TXNDC8: variants seen among roughly 807,000 people sequenced by gnomAD.
The protein encoded by TXNDC8 is thioredoxin domain containing 8.
In TXNDC8, 15 loss-of-function variants were observed where a neutral mutation model predicts 12.9. That is an observed-to-expected ratio of 1.16 (90% CI 0.78 to 1.79). TXNDC8 has a LOEUF of 1.79. TXNDC8 is among the 40% of genes most tolerant of loss of function. The probability of loss-of-function intolerance (pLI) is 0.00; values close to 1 mark genes in which losing one functional copy is unlikely to be tolerated. For synonymous variants in TXNDC8, 40 were observed against 35.4 expected (o/e 1.13, Z -0.46); for missense variants, 128 against 113.2 (o/e 1.13, Z -0.59).
chr9:110,308,750 T>C (rs191468969), intron 3 of TXNDC8, among the ~76,000 whole-genome samples: 21 of 152,196 alleles, frequency 1.4e-4, no homozygotes, highest in Non-Finnish European at 2.8e-4. Flanking sequence ...ACCAAAAAAA[T>C]CTAGAGAAGG....
At chr9:110,334,514 G>T (rs1159779769) in intron 1 of TXNDC8, among the ~76,000 whole-genome samples, 194 bp from the exon 2 acceptor site, 4 of 152,120 alleles carry the variant, frequency 2.6e-5, no homozygotes, top group South Asian at 2.1e-4. Flanking sequence ...AAAGTGCTGG[G>T]ATTACAGGTG....
chr9:110,327,055 G>T (rs1482186270), intron 2 of TXNDC8, among the ~76,000 whole-genome samples: 1 of 151,060 alleles, frequency 6.6e-6, no homozygotes, highest in Non-Finnish European at 1.5e-5. Flanking sequence ...AGACAATTAC[G>T]CATTTTGTTT....
intron 3 of TXNDC8, among the ~76,000 whole-genome samples, chr9:110,316,791 G>T (rs1838899398): frequency 6.6e-6 from 1 of 152,216 alleles, no homozygotes; most frequent in Middle Eastern, 3.2e-3. Flanking sequence ...TTTCTTCTGT[G>T]TAGGGGTTGA....
chr9:110,303,878 A>G (rs1838329216), intron 4 of TXNDC8, among the ~76,000 whole-genome samples: 1 of 152,204 alleles, frequency 6.6e-6, no homozygotes, highest in African/African-American at 2.4e-5. Context: ...AACAAACTCC[A>G]TCATTGGAAC....
At chr9:110,336,930 T>C (rs1474037803) in intron 1 of TXNDC8, among the ~76,000 whole-genome samples, 1 of 152,116 alleles carries the variant, frequency 6.6e-6, no homozygotes, top group African/African-American at 2.4e-5. Flanking sequence ...TCTGAGGGAA[T>C]AAGGCTCCAG....
At chr9:110,323,101 C>A in intron 3 of TXNDC8, 1 of 985,236 alleles carries the variant, frequency 1.0e-6, no homozygotes, top group Non-Finnish European at 1.2e-6. Context: ...AAAAAGGATG[C>A]CATACAGGGA....
At chr9:110,304,595 A>G (rs1263179535) in intron 3 of TXNDC8, 63 bp from the exon 5 acceptor site, 15 of 1,445,772 alleles carry the variant, frequency 1.0e-5, no homozygotes, top group African/African-American at 4.2e-5. Context: ...CATCTCCCCT[A>G]TAACTGGTTC....
rs191041032 is a variant in TXNDC8 at position 110,311,732 on chromosome 9, C to A, written c.196-7200G>T. Among the ~76,000 whole-genome samples, 716 of 128,242 alleles carry A rather than the reference C, an allele frequency of 5.6e-3. 8 individuals are homozygous for A. Among genetic ancestry groups the A allele is most frequent in the African/African-American group, 0.021 (677 of 32,634 alleles). 84.1% of individuals were successfully genotyped at this position (128,242 alleles called of 152,430 possible). A position where few individuals can be genotyped will look rare whatever the true frequency, so the allele number is the denominator to read the frequency against. On this transcript the variant is annotated intron_variant, in intron 3 of 4. Transcript: ENST00000423740. ...CTATATTACTATATCCATATATATA[C>A]TATATATACACTATATATGGATATA...
At chr9:110,319,831 A>G (rs1337688476) in intron 3 of TXNDC8, among the ~76,000 whole-genome samples, 1 of 152,156 alleles carries the variant, frequency 6.6e-6, no homozygotes, top group Non-Finnish European at 1.5e-5. Flanking sequence ...CCTCTTTGAT[A>G]TTATTTTAAT....
intron 3 of TXNDC8, among the ~76,000 whole-genome samples, chr9:110,315,173 C>T (rs2118765548): frequency 6.6e-6 from 1 of 152,164 alleles, no homozygotes; most frequent in East Asian, 1.9e-4. Flanking sequence ...TCTTGGCTCA[C>T]TGCAACCTCC....
At chr9:110,304,888 C>A (rs986613272) in intron 3 of TXNDC8, among the ~76,000 whole-genome samples, 1 of 152,050 alleles carries the variant, frequency 6.6e-6, no homozygotes, top group African/African-American at 2.4e-5. Flanking sequence ...TGGCTCATGC[C>A]TGTAATCTGA....
At chr9:110,304,885 T>C (rs1838369439) in intron 3 of TXNDC8, among the ~76,000 whole-genome samples, 1 of 152,142 alleles carries the variant, frequency 6.6e-6, no homozygotes, top group African/African-American at 2.4e-5. Context: ...CAGTGGCTCA[T>C]GCCTGTAATC....
intron 3 of TXNDC8, chr9:110,323,631 T>G: frequency 3.0e-6 from 1 of 331,260 alleles, no homozygotes; most frequent in Non-Finnish European, 5.2e-6. Flanking sequence ...CAGAATTTTT[T>G]GGGTTGCAAG....
At chr9:110,331,699 G>A (rs1446372081) in intron 2 of TXNDC8, among the ~76,000 whole-genome samples, 7 of 152,144 alleles carry the variant, frequency 4.6e-5, no homozygotes, top group Admixed American at 3.3e-4. Flanking sequence ...CAGATCATCA[G>A]GTATTCGATT....
intron 3 of TXNDC8, among the ~76,000 whole-genome samples, chr9:110,314,248 A>T (rs1345093881): frequency 6.6e-6 from 1 of 152,078 alleles, no homozygotes; most frequent in Non-Finnish European, 1.5e-5. Context: ...TTCTTGACTG[A>T]ACCAATGTTC....
intron 3 of TXNDC8, among the ~76,000 whole-genome samples, chr9:110,313,546 C>A (rs1403634790): frequency 6.6e-6 from 1 of 151,998 alleles, no homozygotes; most frequent in Non-Finnish European, 1.5e-5. Context: ...ACTAAAAATA[C>A]AAAAATTAGC....
At chr9:110,321,675 C>T (rs957543455) in intron 3 of TXNDC8, among the ~76,000 whole-genome samples, 2 of 150,162 alleles carry the variant, frequency 1.3e-5, no homozygotes, top group African/African-American at 4.9e-5. Context: ...TTTCTTGACC[C>T]ACCAGGAAAA....
rs543331460 is a variant in TXNDC8 at position 110,323,071 on chromosome 9, GGGGAGGACATCACATGTTAAAAA to G, written c.195+3081_195+3103del. On this transcript the variant is annotated intron_variant, in intron 3 of 4. Transcript: ENST00000423740. ...AGCCTTGATTCTATAGGCAATGGAG[GGGGAGGACATCACATGTTAAAAA>G]AGGATGCCATACAGGGAGCTGTGCA... is the stretch of plus-strand genomic sequence containing the variant. The G allele has an allele frequency of 4.1e-6, 4 of 985,386 alleles. No homozygotes were observed. In the East Asian group the frequency reaches 4.5e-4, roughly 112 times the overall value. 61.0% of individuals were successfully genotyped at this position (985,386 alleles called of 1,614,324 possible).
At chr9:110,319,825 T>C (rs1327541) in intron 3 of TXNDC8, among the ~76,000 whole-genome samples, 90,804 of 151,960 alleles carry the variant, frequency 0.6, 27,443 homozygotes, top group East Asian at 0.73. Flanking sequence ...GTATCACCTC[T>C]TTGATATTAT....
Sources: gnomAD v4.1 joint callset for allele counts (sites outside exome capture counted in the v4.1 genomes callset) on GRCh38, gnomAD v4.1.1 for gene constraint, MANE v1.5 for transcripts, NCBI Gene and HGNC (gene_info 2026-07-23, HGNC 2026-07-21) for gene names.